STAC: variants seen among roughly 807,000 people sequenced by gnomAD.
The protein encoded by STAC is SH3 and cysteine rich domain, also known as SH3 and cysteine-rich domain-containing protein.
A neutral mutation model predicts 48.8 loss-of-function variants in STAC; 43 were observed. That is an observed-to-expected ratio of 0.88 (90% CI 0.69 to 1.14). The LOEUF (loss-of-function observed/expected upper bound fraction) is 1.14, where lower values mean the gene tolerates loss of function less well. STAC is among the 50% of genes most tolerant of loss of function. The pLI, the probability that STAC is intolerant of heterozygous loss-of-function variation, is 0.00. For synonymous variants in STAC, 193 were observed against 179.5 expected, an observed-to-expected ratio of 1.07 and a Z score of -0.60; for missense variants, 497 against 504.0, an observed-to-expected ratio of 0.99 and a Z score of 0.13.
At chr3:36,518,465 G>A (rs937600554) in intron 8 of STAC, among the ~76,000 whole-genome samples, 25 of 152,024 alleles carry the variant, frequency 1.6e-4, no homozygotes, top group African/African-American at 5.6e-4. Context: ...AGGAAAAGAG[G>A]GAACTGCTCT....
At chr3:36,516,273 T>C (rs1698672021) in intron 8 of STAC, among the ~76,000 whole-genome samples, 1 of 152,058 alleles carries the variant, frequency 6.6e-6, no homozygotes, top group African/African-American at 2.4e-5. Flanking sequence ...CGAACCACCG[T>C]GCCCAGCCCT....
intron 1 of STAC, among the ~76,000 whole-genome samples, chr3:36,400,007 TG>T (rs1302591609): frequency 6.6e-6 from 1 of 152,008 alleles, no homozygotes; most frequent in Non-Finnish European, 1.5e-5. Context: ...TAAAAGGGGG[TG>T]GGTTGATGCC....
intron 1 of STAC, among the ~76,000 whole-genome samples, chr3:36,410,796 G>C (rs1301993608): frequency 6.6e-6 from 1 of 152,140 alleles, no homozygotes; most frequent in Admixed American, 6.5e-5. Flanking sequence ...ATTGATCTTT[G>C]TCTTTATCTT....
intron 8 of STAC, among the ~76,000 whole-genome samples, chr3:36,514,769 T>C (rs1427404603): frequency 3.3e-5 from 5 of 152,170 alleles, no homozygotes; most frequent in Non-Finnish European, 1.5e-5. Flanking sequence ...GCGCAGTGGC[T>C]CATGCCTGTA....
chr3:36,408,597 G>C (rs978088797), intron 1 of STAC, among the ~76,000 whole-genome samples: 2 of 152,148 alleles, frequency 1.3e-5, no homozygotes, highest in African/African-American at 2.4e-5. Context: ...TAATGGTGAG[G>C]CTCCTGGAAA....
intron 6 of STAC, among the ~76,000 whole-genome samples, chr3:36,495,133 T>G (rs913279170): frequency 1.3e-5 from 2 of 152,204 alleles, no homozygotes; most frequent in African/African-American, 4.8e-5. Context: ...CCCAAAGCAG[T>G]GACCTAGCCT....
intron 10 of STAC, among the ~76,000 whole-genome samples, chr3:36,534,110 A>G (rs1699139251): frequency 2.0e-5 from 3 of 152,200 alleles, no homozygotes; most frequent in Admixed American, 6.5e-5. Context: ...ATGCTTGTTA[A>G]TTGCAGGGAG....
chr3:36,541,021 TC>T (rs1473339573), intron 10 of STAC, among the ~76,000 whole-genome samples: 1 of 152,158 alleles, frequency 6.6e-6, no homozygotes, highest in Admixed American at 6.6e-5. Context: ...AGTGGCTTGA[TC>T]CTCTGGTCAG....
intron 1 of STAC, among the ~76,000 whole-genome samples, chr3:36,412,403 G>A (rs1216034155): frequency 6.6e-6 from 1 of 151,926 alleles, no homozygotes; most frequent in Non-Finnish European, 1.5e-5. Context: ...AAGGAAAGCT[G>A]GATACATTGC....
chr3:36,519,420 T>C (rs1463012699), intron 8 of STAC, among the ~76,000 whole-genome samples: 1 of 152,186 alleles, frequency 6.6e-6, no homozygotes, highest in Non-Finnish European at 1.5e-5. Flanking sequence ...AATGGAAGCT[T>C]AGGACTAGAA....
At chr3:36,431,386 G>A (rs1412017894) in intron 1 of STAC, among the ~76,000 whole-genome samples, 3 of 152,124 alleles carry the variant, frequency 2.0e-5, no homozygotes, top group Non-Finnish European at 2.9e-5. Flanking sequence ...ACTGCCGCCC[G>A]TGTTGGGCTT....
chr3:36,470,748 T>C (rs148755911), intron 2 of STAC, among the ~76,000 whole-genome samples: 1 of 152,370 alleles, frequency 6.6e-6, no homozygotes, highest in East Asian at 1.9e-4. Context: ...ATCTGCAAGC[T>C]AGTCCTGCCT....
At chr3:36,415,124 A>G (rs1031946711) in intron 1 of STAC, among the ~76,000 whole-genome samples, 4 of 152,144 alleles carry the variant, frequency 2.6e-5, no homozygotes, top group African/African-American at 9.7e-5. Flanking sequence ...TCAGGGACCC[A>G]CTTGAGGAGG....
At chr3:36,391,883 A>C (rs1437450248) in intron 1 of STAC, among the ~76,000 whole-genome samples, 2 of 152,166 alleles carry the variant, frequency 1.3e-5, no homozygotes, top group Non-Finnish European at 2.9e-5. Context: ...TGAAGGACTG[A>C]GGTCAGACAC....
rs796825618 is a variant in STAC, at chr3:36,398,632, GAGAA to G, written c.111+17894_111+17897del. ...AGGAGGGAAGGAAGAGAAAAAGAGA[GAGAA>G]AGAAAGAAAGAAAGAGAAAGAAAGG... On this transcript the variant is annotated intron_variant, in intron 1 of 10. Coordinates refer to ENST00000273183, the MANE Select transcript of STAC (RefSeq NM_003149.3). Among the ~76,000 whole-genome samples the G allele has an allele frequency of 1.2e-3, 106 of 88,986 alleles. 1 individual carries two copies. Among genetic ancestry groups the G allele is most frequent in the South Asian group, 6.2e-3 (17 of 2,760 alleles). The allele number at this position is 88,986 out of a possible 152,430, so 58.4% of individuals were successfully genotyped here. A position where few individuals can be genotyped will look rare whatever the true frequency, so the allele number is the denominator to read the frequency against.
intron 8 of STAC, among the ~76,000 whole-genome samples, chr3:36,525,172 C>T (rs1163926792): frequency 6.6e-6 from 1 of 152,122 alleles, no homozygotes; most frequent in Non-Finnish European, 1.5e-5. Flanking sequence ...AGTAAGATGA[C>T]ACTCTTTCAG....
chr3:36,399,507 T>C (rs544894008), intron 1 of STAC, among the ~76,000 whole-genome samples: 76 of 152,174 alleles, frequency 5.0e-4, no homozygotes, highest in South Asian at 1.0e-3. Flanking sequence ...AACTATAGAT[T>C]TTCAGGGAGG....
rs73828859 is a variant in STAC, at chr3:36,395,075, G to A, written c.111+14321G>A. Among the ~76,000 whole-genome samples, 421 of 151,892 alleles carry A rather than the reference G, an allele frequency of 2.8e-3. 4 individuals carry two copies. Among genetic ancestry groups the A allele is most frequent in the African/African-American group, 9.6e-3 (397 of 41,428 alleles). On this transcript the variant is annotated intron_variant, in intron 1 of 10. Transcript: ENST00000273183. ...TATTTTATGATCCAAGAAGCCCTGT[G>A]CAAATGTAAGTTGGTAGCAGTCACA... is the stretch of plus-strand genomic sequence containing the variant.
chr3:36,541,562 G>A (rs1209005475), intron 10 of STAC, among the ~76,000 whole-genome samples: 1 of 152,184 alleles, frequency 6.6e-6, no homozygotes, highest in Non-Finnish European at 1.5e-5. Flanking sequence ...TGTGTGATCA[G>A]GAGTCTAAAA....
Sources: gnomAD v4.1 joint callset for allele counts (sites outside exome capture counted in the v4.1 genomes callset) on GRCh38, gnomAD v4.1.1 for gene constraint, MANE v1.5 for transcripts, NCBI Gene and HGNC (gene_info 2026-07-23, HGNC 2026-07-21) for gene names.